The following GCNT2 variants were observed in gnomAD, a reference collection of about 807,000 sequenced individuals.
GCNT2 encodes glucosaminyl (N-acetyl) transferase 2 (I blood group), also known as N-acetyllactosaminide beta-1,6-N-acetylglucosaminyl-transferase.
A neutral mutation model predicts 34.2 loss-of-function variants in GCNT2; 34 were observed. The ratio of observed to expected loss-of-function variants is 1.00; its 90% CI spans 0.76 to 1.32. The LOEUF is 1.32. Among genes scored for constraint, GCNT2 ranks in the 40% most tolerant of loss-of-function variants. GCNT2 has a pLI of 0.00. For missense variants in GCNT2, 584 were observed against 489.4 expected, an observed-to-expected ratio of 1.19 and a Z score of -1.82; for synonymous variants, 212 against 188.0, an observed-to-expected ratio of 1.13 and a Z score of -1.04.
chr6:10,529,950 T>A, intron 3 of GCNT2, 114 bp downstream of exon 3: 1 of 913,124 alleles, frequency 1.1e-6, no homozygotes, highest in Admixed American at 2.3e-5. Flanking sequence ...CGGTTTTAAA[T>A]GTCAAATTAA....
At chr6:10,523,808 TAAAAATACAA>T (rs1219749865) in intron 1 of GCNT2, among the ~76,000 whole-genome samples, 1 of 151,390 alleles carries the variant, frequency 6.6e-6, no homozygotes, top group African/African-American at 2.4e-5. Context: ...CCGTCTCTAT[TAAAAATACAA>T]AAAAATTAGC....
In GCNT2 at chr6:10,626,894, A is replaced by G; in HGVS notation, c.*287A>G. ...TTAGGATCAATGATAAATTTAAATG[A>G]CCTCAGATCTTTGCACCAGATACTC... is the stretch of plus-strand genomic sequence containing the variant. On this transcript the variant is annotated 3_prime_UTR_variant, in exon 5 of 5. Coordinates refer to ENST00000495262, the MANE Select transcript of GCNT2 (RefSeq NM_145649.5). 1 of 408,128 alleles carries G rather than the reference A, an allele frequency of 2.5e-6. No homozygotes were observed. Among genetic ancestry groups the G allele is most frequent in the Non-Finnish European group, 4.5e-6 (1 of 220,588 alleles). The allele number at this position is 408,128 out of a possible 1,614,324, so 25.3% of individuals were successfully genotyped here. A position where few individuals can be genotyped will look rare whatever the true frequency, so the allele number is the denominator to read the frequency against.
intron 3 of GCNT2, among the ~76,000 whole-genome samples, chr6:10,552,359 A>T (rs1762522505): frequency 6.6e-6 from 1 of 151,760 alleles, no homozygotes; most frequent in Non-Finnish European, 1.5e-5. Flanking sequence ...TACAGTCAGC[A>T]CTCTGTTTCC....
At chr6:10,558,154 C>A (rs1762807749) in intron 3 of GCNT2, among the ~76,000 whole-genome samples, 1 of 152,142 alleles carries the variant, frequency 6.6e-6, no homozygotes, top group Admixed American at 6.5e-5. Context: ...AGGATATTTA[C>A]CTATTTGCAT....
chr6:10,552,782 AC>A (rs1762539289), intron 3 of GCNT2, among the ~76,000 whole-genome samples: 1 of 152,026 alleles, frequency 6.6e-6, no homozygotes, highest in Admixed American at 6.5e-5. Flanking sequence ...TTCATGTATT[AC>A]TCTTAGGTCA....
intron 3 of GCNT2, among the ~76,000 whole-genome samples, chr6:10,582,160 G>A (rs1386039746): frequency 3.9e-5 from 5 of 128,462 alleles, no homozygotes; most frequent in African/African-American, 1.5e-4. Context: ...ATATGTATGT[G>A]TATAAAATAT....
At chr6:10,563,780 ATATATATAT>A (rs1763154426) in intron 3 of GCNT2, among the ~76,000 whole-genome samples, 4 of 49,670 alleles carry the variant, frequency 8.1e-5, no homozygotes, top group African/African-American at 4.6e-4. Context: ...AAAAAAAAAT[ATATATATAT>A]ATATATATAT....
intron 3 of GCNT2, among the ~76,000 whole-genome samples, chr6:10,592,330 G>T (rs930916234): frequency 6.6e-6 from 1 of 152,144 alleles, no homozygotes; most frequent in Non-Finnish European, 1.5e-5. Flanking sequence ...TCAAAATATT[G>T]CGTTAGTGAT....
chr6:10,590,313 T>C (rs184485569), intron 3 of GCNT2, among the ~76,000 whole-genome samples: 1 of 151,480 alleles, frequency 6.6e-6, no homozygotes, highest in East Asian at 2.0e-4. Flanking sequence ...GAAGGAGGAT[T>C]GCTTAAGCCT....
intron 1 of GCNT2, among the ~76,000 whole-genome samples, chr6:10,526,168 A>G (rs1349994939): frequency 6.6e-6 from 1 of 152,230 alleles, no homozygotes; most frequent in Non-Finnish European, 1.5e-5. Flanking sequence ...TTTGTTCAAA[A>G]GAATTCTGGA....
intron 3 of GCNT2, chr6:10,585,666 A>G (rs566298875): frequency 1.5e-6 from 1 of 661,380 alleles, no homozygotes; most frequent in East Asian, 4.9e-5. Context: ...CGTAATTTGC[A>G]TTTCATATGT....
chr6:10,587,911 T>C (rs1310077580), intron 3 of GCNT2, among the ~76,000 whole-genome samples: 1 of 152,108 alleles, frequency 6.6e-6, no homozygotes, highest in Non-Finnish European at 1.5e-5. Context: ...ACACACACAC[T>C]GCACAACCAC....
At chr6:10,542,501 A>G (rs1034075024) in intron 3 of GCNT2, among the ~76,000 whole-genome samples, 1 of 152,216 alleles carries the variant, frequency 6.6e-6, no homozygotes, top group Admixed American at 6.5e-5. Context: ...TTACTACACA[A>G]AGAAACCTCA....
In GCNT2 at chr6:10,626,648, T is replaced by C; in HGVS notation, c.*41T>C. 6.8e-7 allele frequency: 1 copy of C among 1,466,650 alleles called. No individual in the cohort carries two copies. The highest frequency in any genetic ancestry group is 9.6e-7 in the Non-Finnish European group (1 of 1,046,070). The allele number at this position is 1,466,650 out of a possible 1,614,324, so 90.9% of individuals were successfully genotyped here. A position where few individuals can be genotyped will look rare whatever the true frequency, so the allele number is the denominator to read the frequency against. ...CTCATGACTGAAGGGAAACTGCAGC[T>C]GGGAAGAGGAGCCTGTTTTTGTGAG... On this transcript the variant is annotated 3_prime_UTR_variant, in exon 5 of 5. Coordinates refer to ENST00000495262, the MANE Select transcript of GCNT2 (RefSeq NM_145649.5).
At chr6:10,567,424 T>A (rs1763332705) in intron 3 of GCNT2, among the ~76,000 whole-genome samples, 1 of 152,128 alleles carries the variant, frequency 6.6e-6, no homozygotes, top group Non-Finnish European at 1.5e-5. Context: ...GCCACTGCAT[T>A]CCAGCCCTGG....
In GCNT2 at chr6:10,529,310, G is replaced by A. The variant is rs745452307; in HGVS notation, c.399G>A (p.Thr133=). The change falls in exon 3 of 5, where the codon ACG becomes ACA. Residue 133 remains threonine, a synonymous_variant. Transcript: ENST00000495262. ...GTGTGCACCTGGATCAGAAGGCGACGGATGCCTTTAAAGGTGCAGTGAAAC... is the reference window on the plus strand; with the variant it reads ...GTGTGCACCTGGATCAGAAGGCGACAGATGCCTTTAAAGGTGCAGTGAAAC... The part of the protein sequence containing the change: ...VYCVHLDQKA[T]DAFKGAVKQL... The A allele has an allele frequency of 1.5e-5, 24 of 1,613,918 alleles. No individual in the cohort carries two copies. Among genetic ancestry groups the A allele is most frequent in the East Asian group, 2.2e-5 (1 of 44,888 alleles).
At chr6:10,590,244 T>G (rs1764571713) in intron 3 of GCNT2, among the ~76,000 whole-genome samples, 1 of 151,876 alleles carries the variant, frequency 6.6e-6, no homozygotes, top group Non-Finnish European at 1.5e-5. Flanking sequence ...ACAAAAAATT[T>G]AAAAATTAGC....
chr6:10,616,200 C>T (rs894312112), intron 3 of GCNT2, among the ~76,000 whole-genome samples: 41 of 152,064 alleles, frequency 2.7e-4, no homozygotes, highest in African/African-American at 8.2e-4. Context: ...TCTTTCAAGG[C>T]GGTGCGTTTG....
At chr6:10,615,456 A>G (rs568880993) in intron 3 of GCNT2, among the ~76,000 whole-genome samples, 1 of 152,186 alleles carries the variant, frequency 6.6e-6, no homozygotes, top group South Asian at 2.1e-4. Context: ...CTGGGGCCCC[A>G]GGCGCACATC....
Sources: gnomAD v4.1 joint callset for allele counts (sites outside exome capture counted in the v4.1 genomes callset) on GRCh38, gnomAD v4.1.1 for gene constraint, MANE v1.5 for transcripts, NCBI Gene and HGNC (gene_info 2026-07-23, HGNC 2026-07-21) for gene names.